RANBP1: variants seen among roughly 807,000 people sequenced by gnomAD.
RANBP1 encodes RAN binding protein 1, also known as ran-specific GTPase-activating protein.
A neutral mutation model predicts 31.4 loss-of-function variants in RANBP1; 16 were observed. That is an observed-to-expected ratio of 0.51 (90% CI 0.34 to 0.77). RANBP1 has a LOEUF of 0.77. Among genes scored for constraint, RANBP1 ranks in the 30% least tolerant of loss-of-function variants. RANBP1 has a pLI of 0.01. For missense variants in RANBP1, 265 were observed against 362.0 expected (o/e 0.73, Z 2.17); for synonymous variants, 129 against 140.5 (o/e 0.92, Z 0.58).
At chr22:20,117,288 A>G (rs1289898575) in intron 1 of RANBP1, 3 of 789,916 alleles carry the variant, frequency 3.8e-6, no homozygotes, top group Non-Finnish European at 5.2e-6. Context: ...CACTTTAGCC[A>G]GCTCTAGAGG....
At chr22:20,118,134 C>T (rs2050087706) in intron 1 of RANBP1, 6 of 1,001,000 alleles carry the variant, frequency 6.0e-6, no homozygotes, top group Non-Finnish European at 6.0e-6. Flanking sequence ...GGGCACAGGT[C>T]CTAGATGCGC....
intron 5 of RANBP1, 75 bp from the exon 6 acceptor site, chr22:20,126,877 G>A (rs2050311787): frequency 3.9e-6 from 6 of 1,550,030 alleles, no homozygotes; most frequent in Non-Finnish European, 4.4e-6. Context: ...ACGGCACTTG[G>A]GACCAGCCTG....
rs554149123 is a variant in RANBP1 at position 20,126,059 on chromosome 22, C to G, written c.671-244C>G. On this transcript the variant is annotated intron_variant, in intron 4 of 5. Coordinates refer to ENST00000430524, the MANE Select transcript of RANBP1 (RefSeq NM_001278639.2). Reference sequence around the variant, plus strand: ...TTTCCAACACGGTTGGGAGCCGAGCCTGTGGCAAAGAGGCCCATGCCCCTT... The same window carrying G: ...TTTCCAACACGGTTGGGAGCCGAGCGTGTGGCAAAGAGGCCCATGCCCCTT... 1.7e-4 allele frequency among the ~76,000 whole-genome samples: 26 copies of G among 152,368 alleles called. No homozygotes were observed. In the South Asian group the frequency reaches 5.0e-3, roughly 29 times the overall value.
chr22:20,122,655 C>T (rs1218448518), intron 3 of RANBP1: 3 of 1,469,776 alleles, frequency 2.0e-6, no homozygotes, highest in Admixed American at 4.2e-5. Flanking sequence ...CAGACGGGCC[C>T]TGATGGGAGG....
At chr22:20,124,983 C>G (rs1455799662) in intron 3 of RANBP1, 2 of 336,284 alleles carry the variant, frequency 5.9e-6, no homozygotes, top group Non-Finnish European at 1.1e-5. Flanking sequence ...CTCTGCATTT[C>G]TGGAGGTGGG....
chr22:20,117,490 G>C (rs1451400212), intron 1 of RANBP1: 4 of 1,241,340 alleles, frequency 3.2e-6, no homozygotes, highest in Non-Finnish European at 4.1e-6. Flanking sequence ...CCCGCCGCTG[G>C]GGTCAGGGGT....
intron 3 of RANBP1, chr22:20,122,626 A>G: frequency 6.6e-7 from 1 of 1,507,284 alleles, no homozygotes; most frequent in South Asian, 1.2e-5. Flanking sequence ...CTTAGAGCAC[A>G]CGGGGGTGTG....
intron 5 of RANBP1, chr22:20,126,687 C>A: frequency 1.3e-6 from 2 of 1,502,602 alleles, no homozygotes; most frequent in Non-Finnish European, 1.8e-6. Flanking sequence ...TGAGGCTGGA[C>A]TGCAGCTGTG....
chr22:20,126,254 T>TTCC, intron 4 of RANBP1, 49 bp from the exon 5 acceptor site: 2 of 1,586,686 alleles, frequency 1.3e-6, no homozygotes, highest in Non-Finnish European at 1.7e-6. Context: ...AGGGCATGTC[T>TTCC]CTTCCACTGC....
intron 1 of RANBP1, chr22:20,118,158 G>A (rs9606255): frequency 3.2e-5 from 32 of 1,001,448 alleles, no homozygotes; most frequent in Non-Finnish European, 3.7e-5. Flanking sequence ...CCCAGGCGGC[G>A]GCTTTGTTGG....
In RANBP1 at chr22:20,116,341, T is replaced by A. The variant is rs748846295; in HGVS notation, c.157T>A (p.Cys53Ser). 2 of 1,612,848 alleles carry A rather than the reference T, an allele frequency of 1.2e-6. No individual in the cohort carries two copies. Among genetic ancestry groups the A allele is most frequent in the Admixed American group, 3.3e-5 (2 of 60,012 alleles). ...GCPKSLVLWGCRPKRPRKRRT... is the reference protein window; with the variant it reads ...GCPKSLVLWGSRPKRPRKRRT... The stretch of plus-strand genomic sequence containing the variant: ...CCCAAAGAGTTTGGTTTTGTGGGGC[T>A]GCAGACCAAAGCGGCCCAGGAAGCG... Residue 53 changes from cysteine to serine, a missense_variant, in exon 1 of 6, where the codon TGC (cysteine) becomes AGC (serine). This residue lies in a region of RANBP1 where 126 missense variants were observed against 123.6 expected (regional missense o/e 1.02). Coordinates refer to ENST00000430524, the MANE Select transcript of RANBP1 (RefSeq NM_001278639.2).
chr22:20,116,464 C>T (rs546787316), intron 1 of RANBP1, 34 bp downstream of exon 1: 2 of 1,612,906 alleles, frequency 1.2e-6, no homozygotes, highest in East Asian at 2.2e-5. Flanking sequence ...GCTGTAGAGC[C>T]CGGGCTGAGG....
At chr22:20,120,652 G>A (rs768050369) in intron 2 of RANBP1, among the ~76,000 whole-genome samples, 4 of 152,324 alleles carry the variant, frequency 2.6e-5, no homozygotes, top group Admixed American at 2.6e-4. Context: ...GGTCCCCAGC[G>A]GGAGGGGCTG....
rs1213074072 is a variant in RANBP1 at position 20,116,123 on chromosome 22, C to A, written c.-62C>A. On this transcript the variant is annotated 5_prime_UTR_variant, in exon 1 of 6. Transcript: ENST00000430524. ...TAGGGCACTGTCCATAGAGGGGTCA[C>A]CACGTCGGCCACTCGTGTTACTGGT... 2 of 1,612,636 alleles carry A rather than the reference C, an allele frequency of 1.2e-6. No homozygotes were observed. The highest frequency in any genetic ancestry group is 3.3e-5 in the Admixed American group (2 of 59,994).
At chr22:20,125,515 CTGT>C in intron 4 of RANBP1, 79 bp downstream of exon 4, 1 of 1,548,650 alleles carries the variant, frequency 6.5e-7, no homozygotes, top group Non-Finnish European at 8.7e-7. Flanking sequence ...GCAACAAATG[CTGT>C]TGCCTTTTGG....
At chr22:20,126,863 G>A in intron 5 of RANBP1, 89 bp from the exon 6 acceptor site, 1 of 1,493,604 alleles carries the variant, frequency 6.7e-7, no homozygotes, top group South Asian at 1.2e-5. Context: ...GCTGTGGGTG[G>A]GTGACGGCAC....
In RANBP1 at chr22:20,125,311, C is replaced by T. The variant is rs764502102; in HGVS notation, c.545C>T (p.Thr182Met). Residue 182 changes from threonine to methionine, a missense_variant, in exon 4 of 6, where the codon ACG becomes ATG. Around this residue, in one of 3 missense-constraint regions of RANBP1, gnomAD observed 90 missense variants for 190.5 expected, o/e 0.47. Transcript: ENST00000430524. ...TCACGAGCTTCTCTCTCTTCAGTCA[C>T]GCCGATGATGGAGCTGAAGCCCAAC... Reference protein sequence around the residue: ...TLKICANHYITPMMELKPNAG... With the variant: ...TLKICANHYIMPMMELKPNAG... 1.9e-6 allele frequency: 3 copies of T among 1,611,560 alleles called. No individual in the cohort carries two copies. The highest frequency in any genetic ancestry group is 1.7e-5 in the Admixed American group (1 of 60,014).
rs927875978 is a variant in RANBP1 at position 20,118,381 on chromosome 22, C to T, written c.247-632C>T. The T allele has an allele frequency of 9.0e-5, 89 of 990,238 alleles. No homozygotes were observed. The African/African-American group carries it at 1.5e-3, about 17-fold the overall frequency. 61.3% of individuals were successfully genotyped at this position (990,238 alleles called of 1,614,324 possible). On this transcript the variant is annotated intron_variant, in intron 1 of 5. Coordinates refer to ENST00000430524, the MANE Select transcript of RANBP1 (RefSeq NM_001278639.2). ...TGCTCTCTTATCCTCTAAATTGGGCCAGGATTTCATGACTTTCACCGGTAC... is the reference window on the plus strand; with the variant it reads ...TGCTCTCTTATCCTCTAAATTGGGCTAGGATTTCATGACTTTCACCGGTAC...
chr22:20,117,549 C>A, intron 1 of RANBP1: 1 of 1,399,286 alleles, frequency 7.1e-7, no homozygotes. Context: ...GCGGGAGGCG[C>A]CGGCGCCAGA....
Sources: allele counts gnomAD v4.1 joint callset (sites outside exome capture counted in the v4.1 genomes callset), GRCh38; gene constraint gnomAD v4.1.1; regional missense constraint gnomAD v4.1.1; transcripts MANE v1.5; gene names NCBI Gene and HGNC (gene_info 2026-07-23, HGNC 2026-07-21).